ELAPOR2: variants seen among roughly 807,000 people sequenced by gnomAD.
The protein encoded by ELAPOR2 is endosome-lysosome associated apoptosis and autophagy regulator family member 2.
Under a neutral mutation model 120.7 loss-of-function variants are expected in ELAPOR2, and 89 were observed. The observed-to-expected ratio is 0.74, with a 90% CI of 0.62 to 0.88. ELAPOR2 has a LOEUF of 0.88. Among genes scored for constraint, ELAPOR2 ranks in the 40% least tolerant of loss-of-function variants. The pLI, the probability that ELAPOR2 is intolerant of heterozygous loss-of-function variation, is 0.00. For missense variants in ELAPOR2, 1,134 were observed against 1,251.6 expected (o/e 0.91, Z 1.42); for synonymous variants, 444 against 444.9 (o/e 1.00, Z 0.03).
chr7:86,934,772 G>C (rs1321391483), intron 8 of ELAPOR2, among the ~76,000 whole-genome samples: 1 of 151,806 alleles, frequency 6.6e-6, no homozygotes, highest in Admixed American at 6.6e-5. Context: ...GTACATAATG[G>C]CCCTTCCAAT....
Position 86,938,212 on chromosome 7 carries a change from C to T in ELAPOR2, c.1003G>A (p.Glu335Lys). The change falls in exon 8 of 22, where the codon GAA (glutamate) becomes AAA (lysine). Residue 335 changes from glutamate (E) to lysine (K), a missense_variant and splice_region_variant. Around this residue, in one of 3 missense-constraint regions of ELAPOR2, gnomAD observed 831 missense variants for 867.6 expected, o/e 0.96. Transcript: ENST00000450689. ...RCKDDSQFSEEGSSECTERPP... is the reference protein window; with the variant it reads ...RCKDDSQFSEKGSSECTERPP... Reference sequence around the variant, plus strand: ...CGCTCTGTACACTCACTGGATCCTTCCTCTGCAACATAAAAAAAGCGTTTC... The same window carrying T: ...CGCTCTGTACACTCACTGGATCCTTTCTCTGCAACATAAAAAAAGCGTTTC... 2 of 1,548,048 alleles carry T rather than the reference C, an allele frequency of 1.3e-6. No individual in the cohort carries two copies. Among genetic ancestry groups the T allele is most frequent in the Non-Finnish European group, 1.7e-6 (2 of 1,144,546 alleles).
chr7:86,924,372 A>AATAC (rs1386267346), intron 10 of ELAPOR2, among the ~76,000 whole-genome samples: 1 of 110,058 alleles, frequency 9.1e-6, no homozygotes, highest in Non-Finnish European at 2.1e-5. Context: ...CTAGTAAGTG[A>AATAC]ATACACACAC....
chr7:86,916,618 C>T (rs1359023104), intron 12 of ELAPOR2, among the ~76,000 whole-genome samples: 4 of 152,160 alleles, frequency 2.6e-5, no homozygotes, highest in Non-Finnish European at 5.9e-5. Context: ...TGCTAAAATA[C>T]AGATTGCTGT....
chr7:86,904,002 T>C (rs370820381), intron 18 of ELAPOR2, among the ~76,000 whole-genome samples: 186 of 152,196 alleles, frequency 1.2e-3, no homozygotes, highest in African/African-American at 3.2e-3. Context: ...CCATGAGGAA[T>C]TGGATGAAAA....
chr7:87,043,949 A>G (rs1192539817), intron 1 of ELAPOR2, among the ~76,000 whole-genome samples: 1 of 151,646 alleles, frequency 6.6e-6, no homozygotes, highest in Admixed American at 6.6e-5. Flanking sequence ...AATCACAAGC[A>G]TTCTTATACA....
At chr7:87,012,376 C>G (rs1793718103) in intron 1 of ELAPOR2, among the ~76,000 whole-genome samples, 1 of 152,174 alleles carries the variant, frequency 6.6e-6, no homozygotes. Flanking sequence ...TGCCATGACA[C>G]TCTAGCCTGG....
intron 1 of ELAPOR2, among the ~76,000 whole-genome samples, chr7:87,021,072 A>G (rs932847870): frequency 2.0e-5 from 3 of 152,122 alleles, no homozygotes; most frequent in African/African-American, 7.2e-5. Context: ...TCCCTACTTT[A>G]CAGATTAGAA....
intron 18 of ELAPOR2, among the ~76,000 whole-genome samples, chr7:86,902,447 A>T (rs868016241): frequency 6.6e-6 from 1 of 152,178 alleles, no homozygotes. Flanking sequence ...GATTGCTGGG[A>T]TTACAGGCGT....
intron 19 of ELAPOR2, among the ~76,000 whole-genome samples, chr7:86,895,634 G>C (rs1003859146): frequency 1.3e-5 from 2 of 152,004 alleles, no homozygotes; most frequent in African/African-American, 4.8e-5. Flanking sequence ...CTTATAATAC[G>C]TTGAAGTGAC....
At chr7:86,916,916 G>A (rs1473698571) in intron 12 of ELAPOR2, among the ~76,000 whole-genome samples, 1 of 147,620 alleles carries the variant, frequency 6.8e-6, no homozygotes, top group Non-Finnish European at 1.5e-5. Context: ...GTAGCTCAAA[G>A]TAGCTAGGAT....
At chr7:86,941,894 T>A (rs1423861110) in intron 5 of ELAPOR2, 124 bp downstream of exon 5, 1 of 578,696 alleles carries the variant, frequency 1.7e-6, no homozygotes, top group African/African-American at 1.9e-5. Flanking sequence ...TTGATATTTT[T>A]TCTTAAAATA....
intron 1 of ELAPOR2, among the ~76,000 whole-genome samples, chr7:87,023,705 T>G (rs1012350865): frequency 6.6e-6 from 1 of 152,174 alleles, no homozygotes; most frequent in African/African-American, 2.4e-5. Context: ...GAGCATGGAA[T>G]GTTCTTCCAT....
chr7:86,942,197 A>G (rs1247516765), intron 4 of ELAPOR2, 93 bp from the exon 5 acceptor site: 2 of 678,994 alleles, frequency 2.9e-6, no homozygotes, highest in Non-Finnish European at 5.3e-6. Context: ...AACCTCGTTC[A>G]ATACCTTCTA....
chr7:87,046,115 A>G (rs1036746726), intron 1 of ELAPOR2, among the ~76,000 whole-genome samples: 1 of 152,256 alleles, frequency 6.6e-6, no homozygotes, highest in Non-Finnish European at 1.5e-5. Context: ...GTTGCAGGAT[A>G]CACAAATCAA....
chr7:87,013,876 G>C (rs1793775819), intron 1 of ELAPOR2, among the ~76,000 whole-genome samples: 2 of 152,034 alleles, frequency 1.3e-5, no homozygotes, highest in Non-Finnish European at 2.9e-5. Context: ...TCCTAGTTAT[G>C]TGTGAACATG....
chr7:86,903,686 C>G (rs1160547182), intron 18 of ELAPOR2, among the ~76,000 whole-genome samples: 5 of 152,008 alleles, frequency 3.3e-5, no homozygotes, highest in Non-Finnish European at 7.4e-5. Context: ...TGAAGCGTTC[C>G]TTTTGTGAGA....
At chr7:86,904,935 T>C (rs1788900634) in intron 18 of ELAPOR2, among the ~76,000 whole-genome samples, 1 of 152,084 alleles carries the variant, frequency 6.6e-6, no homozygotes, top group African/African-American at 2.4e-5. Context: ...TCTGAGACTT[T>C]TTGGTCAGCT....
At chr7:87,055,575 A>C (rs1379907514) in intron 1 of ELAPOR2, among the ~76,000 whole-genome samples, 2 of 151,738 alleles carry the variant, frequency 1.3e-5, no homozygotes, top group African/African-American at 2.4e-5. Flanking sequence ...CTTTCCCCCA[A>C]ACTAGCCTAC....
chr7:86,901,501 A>G (rs1158742296), intron 18 of ELAPOR2, among the ~76,000 whole-genome samples: 1 of 152,244 alleles, frequency 6.6e-6, no homozygotes, highest in Non-Finnish European at 1.5e-5. Flanking sequence ...ATGACTTAAT[A>G]CTGATCCTAT....
Sources: gnomAD v4.1 joint callset for allele counts (sites outside exome capture counted in the v4.1 genomes callset) on GRCh38, gnomAD v4.1.1 for gene constraint, gnomAD v4.1.1 regional missense constraint, MANE v1.5 for transcripts, NCBI Gene and HGNC (gene_info 2026-07-23, HGNC 2026-07-21) for gene names.